The following GSK3B variants were observed in gnomAD, a reference collection of about 807,000 sequenced individuals.
GSK3B encodes the protein glycogen synthase kinase 3 beta.
A neutral mutation model predicts 56.4 loss-of-function variants in GSK3B; 15 were observed. The ratio of observed to expected loss-of-function variants is 0.27; its 90% CI spans 0.18 to 0.41. The LOEUF (loss-of-function observed/expected upper bound fraction) is 0.41, where lower values mean the gene tolerates loss of function less well. Among genes scored for constraint, GSK3B ranks in the 10% least tolerant of loss-of-function variants. GSK3B has a pLI of 1.00. For missense variants in GSK3B, 300 were observed against 513.4 expected, an observed-to-expected ratio of 0.58 and a Z score of 4.02; for synonymous variants, 181 against 188.9, an observed-to-expected ratio of 0.96 and a Z score of 0.34.
chr3:119,827,337 G>C (rs1011960367), intron 10 of GSK3B, among the ~76,000 whole-genome samples: 1 of 152,142 alleles, frequency 6.6e-6, no homozygotes, highest in Non-Finnish European at 1.5e-5. Flanking sequence ...TATTCATAGA[G>C]ATGGAAGACA....
intron 1 of GSK3B, among the ~76,000 whole-genome samples, chr3:120,092,546 A>G (rs2058522238): frequency 6.6e-6 from 1 of 152,240 alleles, no homozygotes; most frequent in Admixed American, 6.5e-5. Context: ...TGGCACTATG[A>G]CAAAACAAAT....
At chr3:119,951,502 T>A (rs2057157055) in intron 2 of GSK3B, among the ~76,000 whole-genome samples, 1 of 152,028 alleles carries the variant, frequency 6.6e-6, no homozygotes, top group Non-Finnish European at 1.5e-5. Context: ...ACCCAGGAGG[T>A]GGAGCCTGCA....
intron 1 of GSK3B, among the ~76,000 whole-genome samples, chr3:120,064,435 A>T (rs192247008): frequency 2.3e-4 from 35 of 149,072 alleles, no homozygotes; most frequent in African/African-American, 7.7e-4. Flanking sequence ...AAAGAAAAAT[A>T]AAAAAAACTA....
chr3:119,880,838 A>G (rs1489069012), intron 7 of GSK3B, among the ~76,000 whole-genome samples: 5 of 152,172 alleles, frequency 3.3e-5, no homozygotes, highest in African/African-American at 4.8e-5. Flanking sequence ...GAGTAGTACT[A>G]ATAAGCTTAT....
chr3:119,905,689 G>C (rs1010868629), intron 7 of GSK3B, 66 bp downstream of exon 7: 1 of 896,968 alleles, frequency 1.1e-6, no homozygotes, highest in Non-Finnish European at 1.9e-6. Flanking sequence ...GTACATGTGT[G>C]ATATATATTA....
At position 119,889,724 on chromosome 3, in the gene GSK3B, A is replaced by T. The variant is rs567067303; in HGVS notation, c.814-13216T>A. Among the ~76,000 whole-genome samples the T allele has an allele frequency of 3.3e-5, 5 of 152,298 alleles. No homozygotes were observed. In the East Asian group the frequency reaches 9.7e-4, roughly 29 times the overall value. On this transcript the variant is annotated intron_variant, in intron 7 of 10. Transcript: ENST00000264235. Reference sequence around the variant, plus strand: ...AGTGATAATTACACTGAATGTAAATAGTCTAAGTACTTCAATTACAAAGGC... The same window carrying T: ...AGTGATAATTACACTGAATGTAAATTGTCTAAGTACTTCAATTACAAAGGC...
In GSK3B at chr3:120,094,227, T is replaced by A; in HGVS notation, c.-793A>T. On this transcript the variant is annotated 5_prime_UTR_variant, in exon 1 of 11. Transcript: ENST00000264235. ...ACCGCTTCCGTCCCTCGGGGCCCCC[T>A]CCCCCGTCCGCGGCAACAGCTCGGC... 1 of 222,668 alleles carries A rather than the reference T, an allele frequency of 4.5e-6. No individual in the cohort carries two copies. Among genetic ancestry groups the A allele is most frequent in the South Asian group, 1.3e-4 (1 of 7,478 alleles). The allele number at this position is 222,668 out of a possible 1,614,324, so 13.8% of individuals were successfully genotyped here.
At chr3:119,942,520 G>C (rs536431533) in intron 3 of GSK3B, among the ~76,000 whole-genome samples, 1 of 152,032 alleles carries the variant, frequency 6.6e-6, no homozygotes, top group Admixed American at 6.6e-5. Flanking sequence ...AGCTGGTCTC[G>C]ATTCAACCGC....
rs2056765087 is a variant in GSK3B at position 119,914,747 on chromosome 3, G to A, written c.608+1297C>T. On this transcript the variant is annotated intron_variant, in intron 5 of 10. Coordinates refer to ENST00000264235, the MANE Select transcript of GSK3B (RefSeq NM_001146156.2). ...GTGAGACTAAGAAAAATTAACTCAT[G>A]ACAGAACAGATTTACTTATTTTTTA... Among the ~76,000 whole-genome samples, 6 of 152,094 alleles carry A rather than the reference G, an allele frequency of 3.9e-5. No homozygotes were observed. The South Asian group carries it at 1.2e-3, about 32-fold the overall frequency.
intron 1 of GSK3B, among the ~76,000 whole-genome samples, chr3:120,007,411 G>A (rs1290215669): frequency 6.6e-6 from 1 of 152,094 alleles, no homozygotes; most frequent in Non-Finnish European, 1.5e-5. Context: ...CTCATTTTAT[G>A]AGGCTAGCAT....
At chr3:119,957,120 T>G (rs1041965970) in intron 2 of GSK3B, among the ~76,000 whole-genome samples, 1 of 152,268 alleles carries the variant, frequency 6.6e-6, no homozygotes, top group Non-Finnish European at 1.5e-5. Context: ...ACTTAGTACA[T>G]ATACATAGTG....
At chr3:119,968,223 T>G (rs529024046) in intron 2 of GSK3B, among the ~76,000 whole-genome samples, 5 of 152,044 alleles carry the variant, frequency 3.3e-5, no homozygotes, top group Non-Finnish European at 7.4e-5. Context: ...CTCAAACTCC[T>G]GGCATCAAGT....
chr3:119,871,931 T>G (rs982960488), intron 8 of GSK3B, among the ~76,000 whole-genome samples: 2 of 152,202 alleles, frequency 1.3e-5, no homozygotes, highest in Non-Finnish European at 2.9e-5. Context: ...CAGTTATTAC[T>G]TTATTCTTTT....
intron 3 of GSK3B, among the ~76,000 whole-genome samples, chr3:119,939,047 T>C (rs1401744480): frequency 2.0e-5 from 3 of 151,782 alleles, no homozygotes; most frequent in African/African-American, 4.8e-5. Context: ...GTGCAAGATA[T>C]TCCAAGGAGA....
chr3:119,952,161 T>G (rs1294110039), intron 2 of GSK3B, among the ~76,000 whole-genome samples: 1 of 151,954 alleles, frequency 6.6e-6, no homozygotes, highest in East Asian at 1.9e-4. Context: ...TTCCCCAAAT[T>G]TGCTGAAAAC....
chr3:119,939,124 CT>C (rs1172953044), intron 3 of GSK3B, among the ~76,000 whole-genome samples: 1 of 151,884 alleles, frequency 6.6e-6, no homozygotes, highest in Non-Finnish European at 1.5e-5. Context: ...GATGGAGCTA[CT>C]TTTGAGCAGA....
chr3:120,083,913 T>C (rs1444646168), intron 1 of GSK3B, among the ~76,000 whole-genome samples: 1 of 152,206 alleles, frequency 6.6e-6, no homozygotes, highest in Non-Finnish European at 1.5e-5. Context: ...ATATGAAATG[T>C]CCAGAACAGG....
intron 10 of GSK3B, among the ~76,000 whole-genome samples, chr3:119,840,223 A>G (rs200649149): frequency 3.5e-5 from 2 of 57,070 alleles, no homozygotes; most frequent in Non-Finnish European, 3.7e-5. Flanking sequence ...TGATGCCGAG[A>G]ATTTTTTTTT....
chr3:119,894,155 C>G (rs975022161), intron 7 of GSK3B, among the ~76,000 whole-genome samples: 6 of 152,038 alleles, frequency 3.9e-5, no homozygotes, highest in Admixed American at 3.3e-4. Flanking sequence ...TCGTGTGTGA[C>G]ATTTTCTTAT....
Sources: allele counts gnomAD v4.1 joint callset (sites outside exome capture counted in the v4.1 genomes callset), GRCh38; gene constraint gnomAD v4.1.1; transcripts MANE v1.5; gene names NCBI Gene and HGNC (gene_info 2026-07-23, HGNC 2026-07-21).